Variants in IQCM observed in about 807,000 individuals in gnomAD.
IQCM encodes IQ domain-containing protein M.
IQCM carries 45 observed loss-of-function variants against 57.6 expected under a neutral mutation model. That is an observed-to-expected ratio of 0.78 (90% confidence interval 0.62 to 1.00). The LOEUF (loss-of-function observed/expected upper bound fraction) is 1.00. IQCM is among the 50% of genes least tolerant of loss of function. The probability of loss-of-function intolerance (pLI) is 0.00; values close to 1 mark genes in which losing one functional copy is unlikely to be tolerated. For synonymous variants in IQCM, 148 were observed against 158.9 expected (o/e 0.93, Z 0.51); for missense variants, 468 against 511.6 (o/e 0.91, Z 0.82).
Position 149,483,389 on chromosome 4 carries a change from T to A in IQCM, c.1229-49832A>T, listed in dbSNP as rs558529708. On this transcript the variant is annotated intron_variant, in intron 12 of 13. Transcript: ENST00000636793. ...TATTTATTTGAAGTTTTTCTTCTTTTTGATGCAGGTTCTTATAGCTATAAA... is the reference window on the plus strand; with the variant it reads ...TATTTATTTGAAGTTTTTCTTCTTTATGATGCAGGTTCTTATAGCTATAAA... 5.7e-4 allele frequency among the ~76,000 whole-genome samples: 86 copies of A among 152,028 alleles called. 1 individual carries two copies. The highest frequency in any genetic ancestry group is 1.9e-3 in the African/African-American group (79 of 41,568).
chr4:149,570,382 C>T (rs969553538), intron 9 of IQCM, among the ~76,000 whole-genome samples: 1 of 151,994 alleles, frequency 6.6e-6, no homozygotes, highest in Non-Finnish European at 1.5e-5. Flanking sequence ...ATGATGCCCA[C>T]TAGGTCCTCC....
intron 5 of IQCM, among the ~76,000 whole-genome samples, chr4:149,687,481 A>G (rs556695910): frequency 1.3e-5 from 2 of 151,828 alleles, no homozygotes; most frequent in South Asian, 4.1e-4. Context: ...TAGAGTTTGC[A>G]TAGCATTTTG....
intron 5 of IQCM, among the ~76,000 whole-genome samples, chr4:149,723,848 G>GTTTCAAA (rs770959029): frequency 9.9e-5 from 15 of 151,682 alleles, no homozygotes; most frequent in Non-Finnish European, 1.8e-4. Flanking sequence ...TTTTGGAATA[G>GTTTCAAA]TTTCAGTAGG....
chr4:149,563,712 A>G lies in IQCM; in HGVS notation c.928T>C (p.Leu310=), dbSNP rs965088280. 1.4e-5 allele frequency: 17 copies of G among 1,232,050 alleles called. No homozygotes were observed. Among genetic ancestry groups the G allele is most frequent in the Admixed American group, 8.4e-5 (2 of 23,720 alleles). 76.3% of individuals were successfully genotyped at this position (1,232,050 alleles called of 1,614,324 possible). The stretch of plus-strand genomic sequence containing the variant: ...CTTACCTTGGTCATTACTCTTTGCA[A>G]TCTTTTCCGTTCAAGCCATCCCCTG... The part of the protein sequence containing the change: ...HVRGWLERKR[L]QRVMTKALDH... Residue 310 remains leucine (L), a synonymous_variant, in exon 10 of 14, where the codon TTG becomes CTG. Transcript: ENST00000636793.
chr4:149,762,584 G>T (rs1395065607), intron 2 of IQCM, among the ~76,000 whole-genome samples: 1 of 152,014 alleles, frequency 6.6e-6, no homozygotes. Context: ...AAGGCATTGT[G>T]ATCTCCTAGG....
intron 12 of IQCM, among the ~76,000 whole-genome samples, chr4:149,498,104 A>G (rs1742859910): frequency 6.6e-6 from 1 of 152,174 alleles, no homozygotes; most frequent in Non-Finnish European, 1.5e-5. Flanking sequence ...CCCTGTTTAA[A>G]CAGGCATTAG....
chr4:149,476,259 T>A (rs549721790), intron 12 of IQCM, among the ~76,000 whole-genome samples: 1 of 152,214 alleles, frequency 6.6e-6, no homozygotes, highest in South Asian at 2.1e-4. Flanking sequence ...GCGTAAATAG[T>A]TTTTGTATGG....
At chr4:149,488,054 G>GT (rs948291739) in intron 12 of IQCM, among the ~76,000 whole-genome samples, 1 of 151,764 alleles carries the variant, frequency 6.6e-6, no homozygotes, top group Non-Finnish European at 1.5e-5. Context: ...ATCTGTGTGT[G>GT]TTTTTTAAAG....
intron 7 of IQCM, among the ~76,000 whole-genome samples, chr4:149,663,750 C>T (rs959042210): frequency 4.6e-5 from 7 of 151,976 alleles, no homozygotes; most frequent in African/African-American, 1.7e-4. Flanking sequence ...TCTCATGCAG[C>T]TTTTAGAATT....
chr4:149,724,376 T>G lies in IQCM; in HGVS notation c.385+8868A>C, dbSNP rs115503291. Among the ~76,000 whole-genome samples, 475 of 152,216 alleles carry G rather than the reference T, an allele frequency of 3.1e-3. 1 individual carries two copies. The highest frequency in any genetic ancestry group is 0.01 in the African/African-American group (426 of 41,568). On this transcript the variant is annotated intron_variant, in intron 5 of 13. Transcript: ENST00000636793. ...AGTGCCTTCTAGCTATGTAGTCATT[T>G]TAAAGCATTATTACAATTTATTATG...
intron 13 of IQCM, among the ~76,000 whole-genome samples, chr4:149,360,802 C>A (rs1205737561): frequency 6.6e-6 from 1 of 152,112 alleles, no homozygotes; most frequent in Non-Finnish European, 1.5e-5. Flanking sequence ...AGGGTGAAAA[C>A]AGACTAACAC....
intron 2 of IQCM, among the ~76,000 whole-genome samples, chr4:149,743,979 C>T (rs1010056227): frequency 2.6e-5 from 4 of 152,098 alleles, no homozygotes; most frequent in Admixed American, 6.6e-5. Context: ...TTGGCAGACT[C>T]GACTAACAAA....
chr4:149,513,919 G>A (rs994263630), intron 12 of IQCM, among the ~76,000 whole-genome samples: 4 of 152,116 alleles, frequency 2.6e-5, no homozygotes, highest in Non-Finnish European at 4.4e-5. Flanking sequence ...TTAGGATAAT[G>A]TTGCTCTTCA....
intron 13 of IQCM, among the ~76,000 whole-genome samples, chr4:149,364,044 G>A (rs890747159): frequency 2.0e-5 from 3 of 152,152 alleles, no homozygotes; most frequent in Non-Finnish European, 4.4e-5. Context: ...ATATGGTAAA[G>A]AAGATTATGT....
chr4:149,509,239 G>A (rs1466847232), intron 12 of IQCM, among the ~76,000 whole-genome samples: 4 of 152,064 alleles, frequency 2.6e-5, no homozygotes, highest in Admixed American at 2.6e-4. Context: ...TTGGGAGATT[G>A]AAGTTTTGAT....
At chr4:149,752,057 T>A (rs899701127) in intron 2 of IQCM, among the ~76,000 whole-genome samples, 2 of 152,136 alleles carry the variant, frequency 1.3e-5, no homozygotes, top group African/African-American at 4.8e-5. Context: ...GATCTATAGG[T>A]ATAATATTTT....
chr4:149,608,786 A>T (rs759183047), intron 8 of IQCM, among the ~76,000 whole-genome samples: 1 of 151,908 alleles, frequency 6.6e-6, no homozygotes, highest in Non-Finnish European at 1.5e-5. Context: ...TTATAGCAAT[A>T]AATGCCTATA....
chr4:149,416,872 A>C (rs895091393), intron 13 of IQCM, among the ~76,000 whole-genome samples: 16 of 152,124 alleles, frequency 1.1e-4, no homozygotes, highest in Non-Finnish European at 2.1e-4. Context: ...AAGAAGTAGA[A>C]AGCAAGGTAT....
chr4:149,703,649 A>G (rs959671259), intron 5 of IQCM, among the ~76,000 whole-genome samples: 3 of 151,982 alleles, frequency 2.0e-5, no homozygotes, highest in African/African-American at 4.8e-5. Flanking sequence ...TATAAAATAT[A>G]TAAAATACAT....
Sources: allele counts gnomAD v4.1 joint callset (sites outside exome capture counted in the v4.1 genomes callset), GRCh38; gene constraint gnomAD v4.1.1; transcripts MANE v1.5; gene names NCBI Gene and HGNC (gene_info 2026-07-23, HGNC 2026-07-21).